MANBA: variants seen among roughly 807,000 people sequenced by gnomAD.
The protein encoded by MANBA is beta-mannosidase.
A neutral mutation model predicts 111.1 loss-of-function variants in MANBA; 83 were observed. That is an observed-to-expected ratio of 0.75 (90% CI 0.63 to 0.90). The LOEUF is 0.90. MANBA is among the 40% of genes least tolerant of loss of function. The pLI is 0.00. For missense variants in MANBA, 1,036 were observed against 1,069.0 expected (o/e 0.97, Z 0.43); for synonymous variants, 370 against 378.7 (o/e 0.98, Z 0.27).
rs1731610067 is a variant in MANBA at position 102,673,951 on chromosome 4, T to G, written c.1080A>C (p.Ala360=). The G allele has an allele frequency of 6.2e-7, 1 of 1,611,730 alleles. No homozygotes were observed. The highest frequency in any genetic ancestry group is 8.5e-7 in the Non-Finnish European group (1 of 1,177,938). ...IFLKGSNWIP[A]DSFQDRVTSE... is the part of the protein sequence containing the mutation. ...AGGTTACTCGGTCCTGGAATGAATC[T>G]GCTGGGATCCAGTTTGAGCCTTTTA... is the stretch of plus-strand genomic sequence containing the variant. Residue 360 remains alanine (A), a synonymous_variant, in exon 8 of 17, where the codon GCA becomes GCC. Coordinates refer to ENST00000647097, the MANE Select transcript of MANBA (RefSeq NM_005908.4).
At chr4:102,661,579 C>A (rs1388188985) in intron 11 of MANBA, among the ~76,000 whole-genome samples, 2 of 152,168 alleles carry the variant, frequency 1.3e-5, no homozygotes, top group Admixed American at 6.5e-5. Context: ...AGTCAATTGG[C>A]CTTGATTGAT....
intron 5 of MANBA, among the ~76,000 whole-genome samples, chr4:102,693,232 C>T (rs1203134274): frequency 6.6e-6 from 1 of 152,126 alleles, no homozygotes; most frequent in Non-Finnish European, 1.5e-5. Flanking sequence ...TTCCTCTATT[C>T]AATAGGTTGT....
intron 5 of MANBA, among the ~76,000 whole-genome samples, chr4:102,704,888 ATCT>A (rs1221541845): frequency 6.6e-6 from 1 of 152,232 alleles, no homozygotes; most frequent in African/African-American, 2.4e-5. Context: ...CACAAAGCAC[ATCT>A]TCTTAACAGG....
At chr4:102,646,870 A>C (rs1341732448) in intron 13 of MANBA, among the ~76,000 whole-genome samples, 1 of 152,152 alleles carries the variant, frequency 6.6e-6, no homozygotes, top group Non-Finnish European at 1.5e-5. Flanking sequence ...GCTATAAGAC[A>C]AAGAGAAGAT....
chr4:102,690,176 T>C (rs576215805), intron 6 of MANBA, among the ~76,000 whole-genome samples: 331 of 152,310 alleles, frequency 2.2e-3, no homozygotes, highest in Non-Finnish European at 3.8e-3. Context: ...TACCTTGATA[T>C]ATGAAAGATC....
At chr4:102,739,100 A>G (rs1051678037) in intron 1 of MANBA, among the ~76,000 whole-genome samples, 5 of 152,242 alleles carry the variant, frequency 3.3e-5, no homozygotes, top group African/African-American at 1.2e-4. Flanking sequence ...AATAAGCTCA[A>G]TTAGAAATGA....
intron 1 of MANBA, chr4:102,751,463 C>T: frequency 3.8e-6 from 2 of 521,518 alleles, no homozygotes; most frequent in South Asian, 2.8e-5. Flanking sequence ...ATGATGTTTC[C>T]TTCTCAATCC....
intron 1 of MANBA, among the ~76,000 whole-genome samples, chr4:102,735,594 C>A (rs1042432388): frequency 9.3e-5 from 14 of 151,300 alleles, no homozygotes; most frequent in Non-Finnish European, 1.8e-4. Flanking sequence ...AATCAACCAA[C>A]CTAATTTGGT....
At chr4:102,664,907 G>C (rs1731153990) in intron 10 of MANBA, 55 bp from the exon 11 acceptor site, 2 of 1,372,130 alleles carry the variant, frequency 1.5e-6, no homozygotes, top group Admixed American at 1.7e-5. Flanking sequence ...AAAAAATTCA[G>C]AGCTATAATT....
chr4:102,721,155 C>T (rs1417512084), intron 4 of MANBA, among the ~76,000 whole-genome samples: 1 of 152,136 alleles, frequency 6.6e-6, no homozygotes, highest in Non-Finnish European at 1.5e-5. Context: ...GAAACTCCGT[C>T]TCTACTAAAA....
intron 1 of MANBA, chr4:102,730,036 AG>A: frequency 1.2e-6 from 1 of 801,692 alleles, no homozygotes; most frequent in South Asian, 1.5e-5. Context: ...CAACCTTGGA[AG>A]CTGCTGCTGC....
At chr4:102,732,918 C>T (rs918672385) in intron 1 of MANBA, among the ~76,000 whole-genome samples, 2 of 152,158 alleles carry the variant, frequency 1.3e-5, no homozygotes, top group East Asian at 1.9e-4. Context: ...AGCCACAACA[C>T]ATCAACACAC....
intron 1 of MANBA, among the ~76,000 whole-genome samples, chr4:102,755,940 G>C (rs1025787954): frequency 3.3e-5 from 5 of 152,182 alleles, no homozygotes; most frequent in Admixed American, 1.3e-4. Flanking sequence ...TCTCACACCA[G>C]TTAGAATGGT....
At chr4:102,702,205 C>T (rs1436823367) in intron 5 of MANBA, among the ~76,000 whole-genome samples, 2 of 151,666 alleles carry the variant, frequency 1.3e-5, no homozygotes, top group Admixed American at 6.6e-5. Context: ...TGGTTTTCAG[C>T]TCCATCAGCT....
chr4:102,739,552 C>A (rs987682988), intron 1 of MANBA, among the ~76,000 whole-genome samples: 1 of 152,122 alleles, frequency 6.6e-6, no homozygotes, highest in African/African-American at 2.4e-5. Context: ...AGAGCCTCAA[C>A]AAAACACTAG....
intron 1 of MANBA, among the ~76,000 whole-genome samples, chr4:102,754,897 G>T (rs1344557048): frequency 6.6e-6 from 1 of 152,010 alleles, no homozygotes. Context: ...AAAAGTGTAT[G>T]CATTAAAAAA....
intron 1 of MANBA, chr4:102,727,456 C>A: frequency 7.0e-7 from 1 of 1,432,884 alleles, no homozygotes; most frequent in Non-Finnish European, 9.8e-7. Context: ...GGTCTCAGAG[C>A]ACTCCATCTT....
chr4:102,737,286 G>T (rs1223768356), intron 1 of MANBA, among the ~76,000 whole-genome samples: 3 of 152,168 alleles, frequency 2.0e-5, no homozygotes, highest in Non-Finnish European at 4.4e-5. Context: ...TGAGCAGGTG[G>T]GGAGGGGTGA....
At chr4:102,752,610 A>G in intron 1 of MANBA, 2 of 608,892 alleles carry the variant, frequency 3.3e-6, no homozygotes, top group Non-Finnish European at 3.2e-6. Flanking sequence ...TCCTACAGAT[A>G]TTCACCTACC....
Sources: gnomAD v4.1 joint callset for allele counts (sites outside exome capture counted in the v4.1 genomes callset) on GRCh38, gnomAD v4.1.1 for gene constraint, MANE v1.5 for transcripts, NCBI Gene and HGNC (gene_info 2026-07-23, HGNC 2026-07-21) for gene names.